Variants in IL3RA observed in about 807,000 individuals in gnomAD.
IL3RA encodes the protein interleukin 3 receptor subunit alpha, also known as interleukin-3 receptor subunit alpha.
In IL3RA, 73 loss-of-function variants were observed where a neutral mutation model predicts 52.3. The observed-to-expected ratio is 1.40, with a 90% CI of 1.16 to 1.70. IL3RA has a LOEUF of 1.70. Among genes scored for constraint, IL3RA ranks in the 40% most tolerant of loss-of-function variants. IL3RA has a pLI of 0.00. For synonymous variants in IL3RA, 260 were observed against 194.0 expected (o/e 1.34, Z -2.83); for missense variants, 664 against 504.4 (o/e 1.32, Z -3.03).
chrX:1,355,609 G>T (rs763042652), intron 6 of IL3RA, among the ~76,000 whole-genome samples: 12 of 151,536 alleles, frequency 7.9e-5, no homozygotes, highest in Non-Finnish European at 1.5e-4. Context: ...CCGGGAAGTG[G>T]AGGATGTCCT....
At position 1,352,409 on chromosome X, in the gene IL3RA, C is replaced by G. The variant is rs1160980614; in HGVS notation, c.519C>G (p.Leu173=). 6.2e-7 allele frequency: 1 copy of G among 1,613,888 alleles called. No individual in the cohort carries two copies. The highest frequency in any genetic ancestry group is 8.5e-7 in the Non-Finnish European group (1 of 1,179,860). ...IGCRFDDISR[L]SSGSQSSHIL... is the part of the protein sequence containing the mutation. ...GTCGTTTCGATGACATCTCTCGACT[C>G]TCCAGCGGTTCTCAAAGTTCCCACA... is the stretch of plus-strand genomic sequence containing the variant. The change falls in exon 6 of 12, where the codon CTC becomes CTG. Residue 173 remains leucine, a synonymous_variant. Coordinates refer to ENST00000331035, the MANE Select transcript of IL3RA (RefSeq NM_002183.4).
At chrX:1,345,697 A>G (rs1440990924) in intron 3 of IL3RA, among the ~76,000 whole-genome samples, 2 of 151,584 alleles carry the variant, frequency 1.3e-5, no homozygotes, top group Non-Finnish European at 2.9e-5. Context: ...TCACTGTGTT[A>G]GCCAGGAGGG....
chrX:1,357,435 A>G (rs530014457), intron 7 of IL3RA, among the ~76,000 whole-genome samples: 5 of 151,966 alleles, frequency 3.3e-5, no homozygotes, highest in African/African-American at 9.6e-5. Flanking sequence ...ATCTCAGCTC[A>G]CTGTAACCTC....
At chrX:1,348,657 T>C in intron 4 of IL3RA, 112 bp downstream of exon 4, 2 of 428,326 alleles carry the variant, frequency 4.7e-6, no homozygotes, top group Admixed American at 5.0e-5. Context: ...TTTCTTTCTT[T>C]CTTTCTTTCT....
chrX:1,352,197 G>A lies in IL3RA; in HGVS notation c.396G>A (p.Ala132=), dbSNP rs144284931. ...CSWAVGPGAP[A]DVQYDLYLNV... ...GGGCGGTAGGCCCGGGGGCCCCCGC[G>A]GACGTCCAGTACGACCTGTACTTGA... The change falls in exon 5 of 12, where the codon GCG becomes GCA. Residue 132 remains alanine (A), a synonymous_variant. Transcript: ENST00000331035. 8.9e-5 allele frequency: 144 copies of A among 1,613,612 alleles called. No homozygotes were observed. Among genetic ancestry groups the A allele is most frequent in the Admixed American group, 5.3e-4 (32 of 59,986 alleles).
chrX:1,380,949 T>C lies in IL3RA; in HGVS notation c.981-74T>C, dbSNP rs776122397. On this transcript the variant is annotated intron_variant, in intron 10 of 11. Transcript: ENST00000331035. ...TGCTCTGTCCTGGCACTGTCTGTCCTGGACACGCTGTGTCCCAGATGATGA... is the reference window on the plus strand; with the variant it reads ...TGCTCTGTCCTGGCACTGTCTGTCCCGGACACGCTGTGTCCCAGATGATGA... 20 of 1,277,610 alleles carry C rather than the reference T, an allele frequency of 1.6e-5. No individual in the cohort carries two copies. The East Asian group carries it at 4.6e-4, about 30-fold the overall frequency. 79.1% of individuals were successfully genotyped at this position (1,277,610 alleles called of 1,614,324 possible). A position where few individuals can be genotyped will look rare whatever the true frequency, so the allele number is the denominator to read the frequency against.
At chrX:1,361,689 G>T (rs192469448) in intron 8 of IL3RA, among the ~76,000 whole-genome samples, 6 of 149,824 alleles carry the variant, frequency 4.0e-5, no homozygotes, top group Non-Finnish European at 8.8e-5. Flanking sequence ...GGAGGCAGAG[G>T]TTGCAGTGAG....
intron 10 of IL3RA, among the ~76,000 whole-genome samples, chrX:1,379,616 C>G (rs2089034943): frequency 6.6e-6 from 1 of 152,228 alleles, no homozygotes; most frequent in Non-Finnish European, 1.5e-5. Context: ...CCCAGCGGGC[C>G]TGACACAGTC....
At chrX:1,348,125 TCA>T (rs2085850024) in intron 3 of IL3RA, among the ~76,000 whole-genome samples, 1 of 149,874 alleles carries the variant, frequency 6.7e-6, no homozygotes, top group South Asian at 2.1e-4. Context: ...GGCAGGCGGA[TCA>T]CATGAGGTCA....
In IL3RA at chrX:1,378,662, G is replaced by A; in HGVS notation, c.878G>A (p.Cys293Tyr). The A allele has an allele frequency of 6.2e-7, 1 of 1,612,222 alleles. No individual in the cohort carries two copies. Among genetic ancestry groups the A allele is most frequent in the Non-Finnish European group, 8.5e-7 (1 of 1,179,688 alleles). The change falls in exon 10 of 12, where the codon TGC (cysteine) becomes TAC (tyrosine). Residue 293 changes from cysteine to tyrosine, a missense_variant. By Grantham distance (194) the Cys-to-Tyr change is radical. Transcript: ENST00000331035. ...CCCTCTCACCCTTTACCCCTAGAGT[G>A]CGACCAGGAGGAGGGCGCAAACACA... Reference protein sequence around the residue: ...SAWSTPQRFECDQEEGANTRA... With the variant: ...SAWSTPQRFEYDQEEGANTRA...
chrX:1,341,592 A>G, intron 1 of IL3RA, 136 bp from the exon 2 acceptor site: 1 of 668,962 alleles, frequency 1.5e-6, no homozygotes, highest in Middle Eastern at 4.2e-4. Flanking sequence ...ACATATGCAC[A>G]CTCACCACCG....
At chrX:1,365,626 G>C (rs2087931375) in intron 9 of IL3RA, among the ~76,000 whole-genome samples, 1 of 36,278 alleles carries the variant, frequency 2.8e-5, no homozygotes, top group Non-Finnish European at 4.2e-5. Context: ...AGCCGGGTGA[G>C]CCGGGTGAGC....
chrX:1,366,370 CGGGGTGAGCCG>C (rs2149134554), intron 9 of IL3RA, among the ~76,000 whole-genome samples: 1 of 29,694 alleles, frequency 3.4e-5, no homozygotes, highest in Non-Finnish European at 5.8e-5. Flanking sequence ...GCGGGGTGCG[CGGGGTGAGCCG>C]GGTGCGCGGG....
At chrX:1,353,891 T>C (rs776167128) in intron 6 of IL3RA, among the ~76,000 whole-genome samples, 7 of 136,270 alleles carry the variant, frequency 5.1e-5, no homozygotes, top group African/African-American at 2.0e-4. Context: ...TATCATGGAT[T>C]CCATCATGAG....
intron 1 of IL3RA, among the ~76,000 whole-genome samples, chrX:1,338,470 A>G (rs1462934353): frequency 2.6e-5 from 4 of 152,046 alleles, no homozygotes; most frequent in Non-Finnish European, 5.9e-5. Flanking sequence ...AGAGGTGGAG[A>G]GAGTCCTCAT....
chrX:1,347,626 AAAACAAAG>A (rs1228329599), intron 3 of IL3RA, among the ~76,000 whole-genome samples: 1 of 151,550 alleles, frequency 6.6e-6, no homozygotes, highest in Non-Finnish European at 1.5e-5. Context: ...TCTTAACAAA[AAAACAAAG>A]AAACAAAAAA....
In IL3RA at chrX:1,336,939, CT is replaced by C. The variant is rs1440137463; in HGVS notation, c.-39+14del. The C allele has an allele frequency of 1.3e-5, 2 of 152,270 alleles. No individual in the cohort carries two copies. The highest frequency in any genetic ancestry group is 4.8e-5 in the African/African-American group (2 of 41,456). 9.4% of individuals were successfully genotyped at this position (152,270 alleles called of 1,614,324 possible). A position where few individuals can be genotyped will look rare whatever the true frequency, so the allele number is the denominator to read the frequency against. Reference sequence around the variant, plus strand: ...ATCTCCATTTAAGGTAAGGTCCCCCCTCCAGGGTGGGATGAGGGAAAAAGAG... The same window carrying C: ...ATCTCCATTTAAGGTAAGGTCCCCCCCCAGGGTGGGATGAGGGAAAAAGAG... On this transcript the variant is annotated intron_variant, in intron 1 of 11. Coordinates refer to ENST00000331035, the MANE Select transcript of IL3RA (RefSeq NM_002183.4).
intron 10 of IL3RA, among the ~76,000 whole-genome samples, chrX:1,379,775 T>C (rs1250980279): frequency 1.8e-4 from 27 of 152,290 alleles, no homozygotes; most frequent in African/African-American, 6.5e-4. Flanking sequence ...TCCTTTTTTT[T>C]AGAGAAGGAG....
intron 6 of IL3RA, among the ~76,000 whole-genome samples, chrX:1,355,851 C>T (rs1347243091): frequency 6.6e-6 from 1 of 151,962 alleles, no homozygotes; most frequent in South Asian, 2.1e-4. Flanking sequence ...GTGGGCCAGG[C>T]TGCCCAGCGG....
Sources: allele counts gnomAD v4.1 joint callset (sites outside exome capture counted in the v4.1 genomes callset), GRCh38; gene constraint gnomAD v4.1.1; transcripts MANE v1.5; gene names NCBI Gene and HGNC (gene_info 2026-07-23, HGNC 2026-07-21).